MYOCOS: variants seen among roughly 807,000 people sequenced by gnomAD.
MYOCOS encodes the protein myocilin opposite strand.
chr1:171,625,711 A>C (rs1042699284), intron 2 of MYOCOS, among the ~76,000 whole-genome samples: 2 of 152,138 alleles, frequency 1.3e-5, no homozygotes, highest in African/African-American at 4.8e-5. Context: ...TGTGAAGTGA[A>C]ACTGAGGCTG....
At chr1:171,623,073 A>G (rs1652605387) in intron 1 of MYOCOS, among the ~76,000 whole-genome samples, 1 of 152,160 alleles carries the variant, frequency 6.6e-6, no homozygotes, top group South Asian at 2.1e-4. Flanking sequence ...TACAAAAAAT[A>G]CAAAAATTAG....
At chr1:171,625,917 A>G (rs1163277342) in intron 2 of MYOCOS, among the ~76,000 whole-genome samples, 1 of 152,218 alleles carries the variant, frequency 6.6e-6, no homozygotes, top group African/African-American at 2.4e-5. Context: ...TGTTGGGTCC[A>G]TGGCACCAAC....
At chr1:171,620,954 G>C (rs1364613526), upstream of MYOCOS, among the ~76,000 whole-genome samples, 2 of 151,868 alleles carry the variant, frequency 1.3e-5, no homozygotes, top group African/African-American at 2.4e-5. Flanking sequence ...ATTTTTAGTA[G>C]AGACGGGGTT....
At chr1:171,607,359 A>G (rs1652269433) in intron 1 of MYOCOS, among the ~76,000 whole-genome samples, 1 of 152,212 alleles carries the variant, frequency 6.6e-6, no homozygotes, top group Non-Finnish European at 1.5e-5. Context: ...TCCAGAGTGA[A>G]ATAACTTCTG....
At chr1:171,624,028 A>G (rs1402252822) in intron 2 of MYOCOS, 50 bp downstream of exon 2, 2 of 398,448 alleles carry the variant, frequency 5.0e-6, no homozygotes, top group Non-Finnish European at 8.8e-6. Flanking sequence ...GACGGAGCAT[A>G]ACACTGAGCC....
upstream of MYOCOS, among the ~76,000 whole-genome samples, chr1:171,621,667 G>A (rs7512326): frequency 6.6e-6 from 1 of 151,992 alleles, no homozygotes; most frequent in African/African-American, 2.4e-5. Flanking sequence ...GAGCCACCGC[G>A]CCTGGCCTCT....
At chr1:171,616,567 C>T (rs1173294476) in intron 2 of MYOCOS, among the ~76,000 whole-genome samples, 1 of 151,972 alleles carries the variant, frequency 6.6e-6, no homozygotes, top group Non-Finnish European at 1.5e-5. Flanking sequence ...ACAACAACAA[C>T]AAAACAGAGA....
upstream of MYOCOS, among the ~76,000 whole-genome samples, chr1:171,620,166 C>T (rs1652532713): frequency 6.6e-6 from 1 of 150,930 alleles, no homozygotes; most frequent in Admixed American, 6.6e-5. Context: ...GAGGACAGGG[C>T]TTACCTTCAT....
intron 1 of MYOCOS, among the ~76,000 whole-genome samples, chr1:171,608,015 C>T (rs993712410): frequency 1.3e-5 from 2 of 152,166 alleles, no homozygotes; most frequent in Non-Finnish European, 2.9e-5. Context: ...AAAGGGGAAA[C>T]CCCTTATAAA....
chr1:171,606,759 C>A (rs1652251156), intron 1 of MYOCOS, among the ~76,000 whole-genome samples: 1 of 152,236 alleles, frequency 6.6e-6, no homozygotes, highest in South Asian at 2.1e-4. Context: ...ATGCTCCCAG[C>A]TGAATAAAGC....
intron 1 of MYOCOS, chr1:171,614,762 G>A (rs1652418235): frequency 6.6e-6 from 1 of 152,208 alleles, no homozygotes; most frequent in African/African-American, 2.4e-5. Context: ...AGTGAACGTG[G>A]TAGACAAAAA....
rs570719973 is a variant in MYOCOS at position 171,625,956 on chromosome 1, G to C, written c.96-498G>C. Among the ~76,000 whole-genome samples, 551 of 152,306 alleles carry C rather than the reference G, an allele frequency of 3.6e-3. 3 individuals are homozygous for C. The highest frequency in any genetic ancestry group is 6.1e-3 in the Non-Finnish European group (416 of 68,026). On this transcript the variant is annotated intron_variant, in intron 2 of 2. Coordinates refer to ENST00000637642, the MANE Select transcript of MYOCOS (RefSeq NM_001391940.1). ...GACAGCTGAGCTCACTCTGAGGAGA[G>C]CTGACTGACAATTAAAGTATATCTC...
upstream of MYOCOS, among the ~76,000 whole-genome samples, chr1:171,618,983 T>C (rs1303682858): frequency 6.6e-6 from 1 of 152,242 alleles, no homozygotes; most frequent in Non-Finnish European, 1.5e-5. Context: ...TTTCAAACTA[T>C]TTTTCAAGTA....
intron 2 of MYOCOS, among the ~76,000 whole-genome samples, chr1:171,625,648 G>A (rs533202186): frequency 6.6e-6 from 1 of 152,334 alleles, no homozygotes; most frequent in South Asian, 2.1e-4. Flanking sequence ...TCCAGCAGAA[G>A]GGGAGGCGAA....
intron 1 of MYOCOS, among the ~76,000 whole-genome samples, chr1:171,607,675 C>G (rs1264423733): frequency 6.6e-6 from 1 of 152,198 alleles, no homozygotes; most frequent in Admixed American, 6.5e-5. Context: ...ATTCCAATAC[C>G]TGTAGGTCTC....
intron 2 of MYOCOS, among the ~76,000 whole-genome samples, chr1:171,625,834 A>G (rs535839780): frequency 6.6e-6 from 1 of 152,254 alleles, no homozygotes; most frequent in African/African-American, 2.4e-5. Flanking sequence ...AATTGATGGG[A>G]AGAACTACTG....
At position 171,622,625 on chromosome 1, in the gene MYOCOS, C is replaced by T. The variant is rs547993595; in HGVS notation, c.-44+293C>T. On this transcript the variant is annotated intron_variant, in intron 1 of 2. Transcript: ENST00000637642. Reference sequence around the variant, plus strand: ...AGTTGGGCATCCTTATAAGAACAAACCTTTCCAGCCAAAAGATCAAGCTGG... The same window carrying T: ...AGTTGGGCATCCTTATAAGAACAAATCTTTCCAGCCAAAAGATCAAGCTGG... 2.0e-5 allele frequency among the ~76,000 whole-genome samples: 3 copies of T among 152,276 alleles called. No individual in the cohort carries two copies. In the South Asian group the frequency reaches 6.2e-4, roughly 32 times the overall value.
chr1:171,621,115 T>C (rs1652558224), upstream of MYOCOS, among the ~76,000 whole-genome samples: 3 of 152,050 alleles, frequency 2.0e-5, no homozygotes, highest in South Asian at 6.2e-4. Context: ...CATGCCTCTC[T>C]AAAATGTATA....
intron 1 of MYOCOS, among the ~76,000 whole-genome samples, chr1:171,601,700 A>G (rs1652145054): frequency 6.6e-6 from 1 of 152,146 alleles, no homozygotes; most frequent in Non-Finnish European, 1.5e-5. Context: ...GACACAAGTT[A>G]ACCTGTAAGC....
Sources: allele counts gnomAD v4.1 joint callset (sites outside exome capture counted in the v4.1 genomes callset), GRCh38; gene constraint gnomAD v4.1.1; transcripts MANE v1.5; gene names NCBI Gene and HGNC (gene_info 2026-07-23, HGNC 2026-07-21).